Variants in SPTBN5 observed in about 807,000 individuals in gnomAD.
The protein encoded by SPTBN5 is spectrin beta chain, non-erythrocytic 5.
A neutral mutation model predicts 477.6 loss-of-function variants in SPTBN5; 513 were observed. That is an observed-to-expected ratio of 1.07 (90% CI 1.00 to 1.16). The LOEUF (loss-of-function observed/expected upper bound fraction) is 1.16, where lower values mean the gene tolerates loss of function less well. SPTBN5 is among the 50% of genes most tolerant of loss of function. The pLI is 0.00. For missense variants in SPTBN5, 5,062 were observed against 4,731.8 expected (o/e 1.07, Z -2.05); for synonymous variants, 2,169 against 2,011.7 (o/e 1.08, Z -2.09).
chr15:41,868,610 G>C lies in SPTBN5; in HGVS notation c.5854-9C>G. The C allele has an allele frequency of 6.3e-7, 1 of 1,596,916 alleles. No individual in the cohort carries two copies. The highest frequency in any genetic ancestry group is 8.5e-7 in the Non-Finnish European group (1 of 1,177,906). ...GAGGCATAGTCACGCACCTGATCCCGGGGACACGGAGGGAGAGCCGGGTGA... is the reference window on the plus strand; with the variant it reads ...GAGGCATAGTCACGCACCTGATCCCCGGGACACGGAGGGAGAGCCGGGTGA... On this transcript the variant is annotated splice_polypyrimidine_tract_variant and intron_variant, in intron 32 of 67. Transcript: ENST00000320955.
At position 41,853,432 on chromosome 15, in the gene SPTBN5, C is replaced by G. The variant is rs531292146; in HGVS notation, c.9996G>C (p.Glu3332Asp). 1 of 1,585,390 alleles carries G rather than the reference C, an allele frequency of 6.3e-7. No individual in the cohort carries two copies. ...CCTCGGAGGACGCCAGCTCCTGCCT[C>G]TCCTGTGCCCATGCTCTGTGGGGCA... is the stretch of plus-strand genomic sequence containing the variant. ...RCQELLAWAQ[E>D]RQELASSEEL... is the part of the protein sequence containing the mutation. The change falls in exon 59 of 68, where the codon GAG (glutamate) becomes GAC (aspartate). Residue 3332 changes from glutamate to aspartate, a missense_variant. By Grantham distance (45) the Glu-to-Asp change is conservative. Transcript: ENST00000320955.
At position 41,862,196 on chromosome 15, in the gene SPTBN5, G is replaced by A; in HGVS notation, c.7482C>T (p.Asp2494=). The part of the protein sequence containing the change: ...VSAQRLRAQM[D]TSPAPRSPVE... ...CAGGGCTGCGAGGAGCGGGGCTCGT[G>A]TCCATCTGAGCCCGCAGCCTCTGGG... is the stretch of plus-strand genomic sequence containing the variant. The change falls in exon 44 of 68, where the codon GAC becomes GAT. Residue 2494 remains aspartate (D), a synonymous_variant. Coordinates refer to ENST00000320955, the MANE Select transcript of SPTBN5 (RefSeq NM_016642.4). The A allele has an allele frequency of 1.2e-6, 2 of 1,610,552 alleles. No homozygotes were observed. Among genetic ancestry groups the A allele is most frequent in the Non-Finnish European group, 1.7e-6 (2 of 1,178,486 alleles).
chr15:41,875,142 T>C lies in SPTBN5; in HGVS notation c.4288-86A>G, dbSNP rs1359698345. On this transcript the variant is annotated intron_variant, in intron 22 of 67. Coordinates refer to ENST00000320955, the MANE Select transcript of SPTBN5 (RefSeq NM_016642.4). ...CCGGGCTCTGGGACTGTTGGACTTTTAGGACCAGATTCACCAGGGAGCTCT... is the reference window on the plus strand; with the variant it reads ...CCGGGCTCTGGGACTGTTGGACTTTCAGGACCAGATTCACCAGGGAGCTCT... The C allele has an allele frequency of 8.6e-6, 11 of 1,283,472 alleles. No homozygotes were observed. The Admixed American group carries it at 1.1e-4, about 13-fold the overall frequency. The allele number at this position is 1,283,472 out of a possible 1,614,324, so 79.5% of individuals were successfully genotyped here.
intron 5 of SPTBN5, among the ~76,000 whole-genome samples, 193 bp from the exon 6 acceptor site, chr15:41,887,634 G>A (rs2067197058): frequency 6.6e-6 from 1 of 152,222 alleles, no homozygotes; most frequent in Admixed American, 6.5e-5. Flanking sequence ...TCGGCACAGG[G>A]ACCAGGCTGG....
Position 41,854,094 on chromosome 15 carries a change from G to A in SPTBN5, c.9730C>T (p.Leu3244=), listed in dbSNP as rs752617162. The stretch of plus-strand genomic sequence containing the variant: ...TGCTGCAGGGTCCGCACAGATGACA[G>A]GCTGTGGCCTCCGTCCTCCCCCTTC... ...LMKGEDGGHS[L]SSVRTLQQQH... is the part of the protein sequence containing the mutation. Residue 3244 remains leucine, a synonymous_variant, in exon 57 of 68, where the codon CTG becomes TTG. Coordinates refer to ENST00000320955, the MANE Select transcript of SPTBN5 (RefSeq NM_016642.4). 9 of 1,582,380 alleles carry A rather than the reference G, an allele frequency of 5.7e-6. No individual in the cohort carries two copies. Among genetic ancestry groups the A allele is most frequent in the South Asian group, 4.6e-5 (4 of 86,532 alleles).
chr15:41,855,720 G>C lies in SPTBN5; in HGVS notation c.9047C>G (p.Ala3016Gly). ...TELLEAGSWL[A>G]ERGHVLDSED... Reference sequence around the variant, plus strand: ...GCTGTCCAGGACATGGCCCCGCTCAGCCAGCCAGGATCCCGCCTCCAGGAG... The same window carrying C: ...GCTGTCCAGGACATGGCCCCGCTCACCCAGCCAGGATCCCGCCTCCAGGAG... Residue 3016 changes from alanine (A) to glycine (G), a missense_variant, in exon 54 of 68, where the codon GCT becomes GGT. Physicochemically the swap from Ala to Gly is moderately conservative, Grantham distance 60 (BLOSUM62 0). Transcript: ENST00000320955. 1.3e-6 allele frequency: 2 copies of C among 1,588,656 alleles called. No individual in the cohort carries two copies. The highest frequency in any genetic ancestry group is 1.7e-6 in the Non-Finnish European group (2 of 1,167,856).
chr15:41,890,869 A>G (rs1384047802), intron 3 of SPTBN5, among the ~76,000 whole-genome samples: 1 of 152,210 alleles, frequency 6.6e-6, no homozygotes, highest in Admixed American at 6.5e-5. Context: ...GCCCTGCAGG[A>G]TCTGGCCCCC....
chr15:41,854,014 G>A (rs1388859061), intron 57 of SPTBN5, 36 bp downstream of exon 57: 3 of 1,532,932 alleles, frequency 2.0e-6, no homozygotes, highest in Admixed American at 3.9e-5. Flanking sequence ...TTCGGGCAGG[G>A]GCTCAGACAG....
intron 17 of SPTBN5, among the ~76,000 whole-genome samples, chr15:41,877,996 G>A (rs976500341): frequency 5.9e-5 from 9 of 152,172 alleles, no homozygotes; most frequent in East Asian, 1.9e-4. Context: ...CTTAGGGGCC[G>A]CTGGGGTCCG....
chr15:41,880,312 G>C lies in SPTBN5; in HGVS notation c.2659C>G (p.Leu887Val). The C allele has an allele frequency of 6.3e-7, 1 of 1,599,080 alleles. No homozygotes were observed. The highest frequency in any genetic ancestry group is 8.5e-7 in the Non-Finnish European group (1 of 1,173,932). Residue 887 changes from leucine to valine, a missense_variant and splice_region_variant, in exon 14 of 68, where the codon CTC becomes GTC. By Grantham distance (32) the Leu-to-Val change is conservative. Coordinates refer to ENST00000320955, the MANE Select transcript of SPTBN5 (RefSeq NM_016642.4). ...DYESLRALAQ[L>V]RRARLEEAMA... is the part of the protein sequence containing the mutation. ...GCCTCCTCCAACCGGGCCCTGCGGA[G>C]CTGGGGAGAGGTGGCCCAAGGCTGG...
At position 41,887,258 on chromosome 15, in the gene SPTBN5, G is replaced by C; in HGVS notation, c.843C>G (p.Cys281Trp). Residue 281 changes from cysteine to tryptophan, a missense_variant, in exon 6 of 68, where the codon TGC becomes TGG. Transcript: ENST00000320955. ...MTYVSLYYHY[C>W]SRLHQGQTVQ... ...CAGTCTGCCCCTGATGCAGGCGGGA[G>C]CAGTAGTGGTAGTAGAGGGAGACGT... 1.3e-6 allele frequency: 2 copies of C among 1,551,452 alleles called. No homozygotes were observed. Among genetic ancestry groups the C allele is most frequent in the Non-Finnish European group, 1.7e-6 (2 of 1,146,996 alleles).
intron 67 of SPTBN5, among the ~76,000 whole-genome samples, chr15:41,848,878 G>T (rs2065647336): frequency 6.6e-6 from 1 of 152,192 alleles, no homozygotes. Context: ...CCAGCCCTGG[G>T]TTAGAGACAG....
chr15:41,864,032 G>C lies in SPTBN5; in HGVS notation c.6919-8C>G. On this transcript the variant is annotated splice_polypyrimidine_tract_variant and splice_region_variant and intron_variant, in intron 39 of 67. Transcript: ENST00000320955. Reference sequence around the variant, plus strand: ...GGCATCACCCACTGTGTCCTGCAGGGGAGGTATGGGTGAGGGCATTGGCAC... The same window carrying C: ...GGCATCACCCACTGTGTCCTGCAGGCGAGGTATGGGTGAGGGCATTGGCAC... The C allele has an allele frequency of 6.2e-7, 1 of 1,607,806 alleles. No individual in the cohort carries two copies.
intron 46 of SPTBN5, among the ~76,000 whole-genome samples, chr15:41,861,019 C>T (rs544172360): frequency 3.9e-5 from 6 of 152,404 alleles, no homozygotes; most frequent in Non-Finnish European, 8.8e-5. Flanking sequence ...AAGCTCCCTC[C>T]TCTGCACTCC....
intron 39 of SPTBN5, among the ~76,000 whole-genome samples, chr15:41,865,520 T>C (rs1048010427): frequency 6.6e-6 from 1 of 152,222 alleles, no homozygotes; most frequent in East Asian, 1.9e-4. Flanking sequence ...TTTTTGCAAG[T>C]ATGCATCTGT....
chr15:41,882,050 C>G lies in SPTBN5; in HGVS notation c.2343G>C (p.Glu781Asp). 6.4e-7 allele frequency: 1 copy of G among 1,557,646 alleles called. No individual in the cohort carries two copies. The highest frequency in any genetic ancestry group is 1.4e-5 in the African/African-American group (1 of 71,590). Residue 781 changes from glutamate to aspartate, a missense_variant, in exon 12 of 68, where the codon GAG (glutamate) becomes GAC (aspartate). Coordinates refer to ENST00000320955, the MANE Select transcript of SPTBN5 (RefSeq NM_016642.4). Reference protein sequence around the residue: ...ASCGQDQAAAETLLRRHVRLE... With the variant: ...ASCGQDQAAADTLLRRHVRLE... Reference sequence around the variant, plus strand: ...GCCGCACGTGGCGCCTCAGCAGGGTCTCGGCGGCCGCCTGGTCCTGACCGC... The same window carrying G: ...GCCGCACGTGGCGCCTCAGCAGGGTGTCGGCGGCCGCCTGGTCCTGACCGC...
rs188303022 is a variant in SPTBN5, at chr15:41,848,178, A to C, written c.*438T>G. 9.6e-6 allele frequency: 5 copies of C among 523,532 alleles called. No homozygotes were observed. The highest frequency in any genetic ancestry group is 6.8e-5 in the East Asian group (2 of 29,408). 32.4% of individuals were successfully genotyped at this position (523,532 alleles called of 1,614,324 possible). A position where few individuals can be genotyped will look rare whatever the true frequency, so the allele number is the denominator to read the frequency against. ...CTGAGACCATCTGTTATTACTGCTG[A>C]GAAGGGCCATGTCATTCTAGGCTCT... On this transcript the variant is annotated 3_prime_UTR_variant, in exon 68 of 68. Transcript: ENST00000320955.
Position 41,887,555 on chromosome 15 carries a change from G to A in SPTBN5, c.660-114C>T, listed in dbSNP as rs1001482290. 4.2e-5 allele frequency: 36 copies of A among 861,348 alleles called. No homozygotes were observed. In the East Asian group the frequency reaches 5.9e-4, roughly 14 times the overall value. The allele number at this position is 861,348 out of a possible 1,614,324, so 53.4% of individuals were successfully genotyped here. On this transcript the variant is annotated intron_variant, in intron 5 of 67. Coordinates refer to ENST00000320955, the MANE Select transcript of SPTBN5 (RefSeq NM_016642.4). The stretch of plus-strand genomic sequence containing the variant: ...GCCATTCACATCTTCTTGTGAATTC[G>A]TTTTCCCGACAGTTATCTGAGGCCC...
Position 41,851,221 on chromosome 15 carries a change from G to A in SPTBN5, c.10743+62C>T, listed in dbSNP as rs2065748459. On this transcript the variant is annotated intron_variant, in intron 64 of 67. Coordinates refer to ENST00000320955, the MANE Select transcript of SPTBN5 (RefSeq NM_016642.4). The stretch of plus-strand genomic sequence containing the variant: ...TTCCCTGTGGGGTCCCTCTGTCCTG[G>A]GGCCCCTCTGCCTTGCTTCCCAGCA... 9 of 1,567,020 alleles carry A rather than the reference G, an allele frequency of 5.7e-6. No individual in the cohort carries two copies. In the South Asian group the frequency reaches 5.8e-5, roughly 10 times the overall value.
Sources: allele counts gnomAD v4.1 joint callset (sites outside exome capture counted in the v4.1 genomes callset), GRCh38; gene constraint gnomAD v4.1.1; transcripts MANE v1.5; gene names NCBI Gene and HGNC (gene_info 2026-07-23, HGNC 2026-07-21).